AGXT2: variants seen among roughly 807,000 people sequenced by gnomAD.
AGXT2 encodes the protein alanine--glyoxylate aminotransferase 2, mitochondrial.
A neutral mutation model predicts 62.5 loss-of-function variants in AGXT2; 61 were observed. That is an observed-to-expected ratio of 0.98 (90% CI 0.79 to 1.21). The LOEUF (loss-of-function observed/expected upper bound fraction) is 1.21, where lower values mean the gene tolerates loss of function less well. AGXT2 is among the 50% of genes most tolerant of loss of function. The pLI, the probability that AGXT2 is intolerant of heterozygous loss-of-function variation, is 0.00. For synonymous variants in AGXT2, 243 were observed against 218.7 expected (o/e 1.11, Z -0.98); for missense variants, 666 against 641.5 (o/e 1.04, Z -0.41).
At chr5:35,020,977 C>T (rs1174878979) in intron 9 of AGXT2, among the ~76,000 whole-genome samples, 1 of 152,160 alleles carries the variant, frequency 6.6e-6, no homozygotes. Flanking sequence ...TTCACAATTG[C>T]TTCAAAGAGA....
chr5:35,005,429 A>G (rs1487554571), intron 12 of AGXT2, among the ~76,000 whole-genome samples: 1 of 151,954 alleles, frequency 6.6e-6, no homozygotes, highest in African/African-American at 2.4e-5. Context: ...GGGTTTCACT[A>G]TGTTGGCCAG....
At position 35,040,534 on chromosome 5, in the gene AGXT2, G is replaced by A. The variant is rs1579513496; in HGVS notation, c.177+41C>T. On this transcript the variant is annotated intron_variant, in intron 2 of 13. Coordinates refer to ENST00000231420, the MANE Select transcript of AGXT2 (RefSeq NM_031900.4). ...AACAATCATTTGAGACCTCCCCAGAGAAACTACCTCTTTGAGTTTTCTTAA... is the reference window on the plus strand; with the variant it reads ...AACAATCATTTGAGACCTCCCCAGAAAAACTACCTCTTTGAGTTTTCTTAA... 1.9e-6 allele frequency: 3 copies of A among 1,571,174 alleles called. No individual in the cohort carries two copies. The East Asian group carries it at 6.7e-5, about 35-fold the overall frequency.
chr5:35,007,345 C>G (rs1766465229), intron 12 of AGXT2, among the ~76,000 whole-genome samples: 1 of 152,160 alleles, frequency 6.6e-6, no homozygotes, highest in African/African-American at 2.4e-5. Flanking sequence ...CTATAGCAGC[C>G]TGAATGGACT....
chr5:35,034,572 T>A (rs1358058333), intron 5 of AGXT2, among the ~76,000 whole-genome samples: 2 of 152,094 alleles, frequency 1.3e-5, no homozygotes, highest in African/African-American at 4.8e-5. Context: ...TTTACAGGAG[T>A]CTGTTTAAAT....
At chr5:34,999,540 A>G (rs1766151135) in intron 13 of AGXT2, among the ~76,000 whole-genome samples, 1 of 152,164 alleles carries the variant, frequency 6.6e-6, no homozygotes, top group Non-Finnish European at 1.5e-5. Flanking sequence ...GGCTGAGAAG[A>G]GTTAGAGAAA....
Position 35,032,828 on chromosome 5 carries a change from G to A in AGXT2, c.676-3C>T, listed in dbSNP as rs537882106. 1.9e-6 allele frequency: 3 copies of A among 1,598,080 alleles called. No homozygotes were observed. In the South Asian group the frequency reaches 3.4e-5, roughly 18 times the overall value. On this transcript the variant is annotated splice_polypyrimidine_tract_variant and splice_region_variant and intron_variant, in intron 6 of 13. Transcript: ENST00000231420. The stretch of plus-strand genomic sequence containing the variant: ...CGAAAAACATCTGGACACATTGTCT[G>A]CAAATGACAAAAGAAGGAGTGTGGC...
intron 12 of AGXT2, among the ~76,000 whole-genome samples, chr5:35,005,572 C>A (rs1397869463): frequency 6.6e-6 from 1 of 151,768 alleles, no homozygotes; most frequent in Admixed American, 6.6e-5. Flanking sequence ...TTCACCCCGA[C>A]CTTGCTCTGG....
intron 7 of AGXT2, 78 bp from the exon 8 acceptor site, chr5:35,026,588 A>G: frequency 7.8e-7 from 1 of 1,289,032 alleles, no homozygotes; most frequent in African/African-American, 1.5e-5. Flanking sequence ...ACATGGGGAA[A>G]AACAGGAAAA....
rs181704115 is a variant in AGXT2 at position 35,039,657 on chromosome 5, G to A, written c.178-149C>T. The stretch of plus-strand genomic sequence containing the variant: ...GAAGTGCGTGTACTTACCCAATATC[G>A]TCCCTGCAAGAAATTAAAGCCTTTT... On this transcript the variant is annotated intron_variant, in intron 2 of 13. Transcript: ENST00000231420. 250 of 712,506 alleles carry A rather than the reference G, an allele frequency of 3.5e-4. 2 individuals carry two copies. The South Asian group carries it at 4.6e-3, about 13-fold the overall frequency. The allele number at this position is 712,506 out of a possible 1,614,324, so 44.1% of individuals were successfully genotyped here. A position where few individuals can be genotyped will look rare whatever the true frequency, so the allele number is the denominator to read the frequency against.
At chr5:35,025,920 A>T in intron 8 of AGXT2, 65 bp from the exon 9 acceptor site, 2 of 1,392,884 alleles carry the variant, frequency 1.4e-6, no homozygotes, top group Admixed American at 1.7e-5. Flanking sequence ...TATATAAAAA[A>T]GTTAGATCAT....
At chr5:35,004,392 T>C (rs1372920247) in intron 12 of AGXT2, among the ~76,000 whole-genome samples, 1 of 152,104 alleles carries the variant, frequency 6.6e-6, no homozygotes, top group African/African-American at 2.4e-5. Flanking sequence ...ACTTGCTCTT[T>C]CTCCCCCAAG....
At chr5:35,003,326 A>G (rs1766303148) in intron 13 of AGXT2, among the ~76,000 whole-genome samples, 1 of 152,198 alleles carries the variant, frequency 6.6e-6, no homozygotes, top group Admixed American at 6.5e-5. Flanking sequence ...GAGGCCACTA[A>G]GGCTTAGCAG....
rs781277614 is a variant in AGXT2 at position 35,039,281 on chromosome 5, C to T, written c.362+43G>A. 4 of 1,587,460 alleles carry T rather than the reference C, an allele frequency of 2.5e-6. No homozygotes were observed. In the South Asian group the frequency reaches 3.3e-5, roughly 13 times the overall value. Reference sequence around the variant, plus strand: ...GTCACTAACATAATTGTTTTCCATGCATTCTTTTGGAATAAAAATCTCCAG... The same window carrying T: ...GTCACTAACATAATTGTTTTCCATGTATTCTTTTGGAATAAAAATCTCCAG... On this transcript the variant is annotated intron_variant, in intron 3 of 13. Transcript: ENST00000231420.
At chr5:35,016,427 A>T (rs1176075156) in intron 9 of AGXT2, among the ~76,000 whole-genome samples, 1 of 152,194 alleles carries the variant, frequency 6.6e-6, no homozygotes, top group Non-Finnish European at 1.5e-5. Context: ...CCCTGAGGAG[A>T]TAAGAAGGAT....
chr5:35,000,019 G>A (rs567357564), intron 13 of AGXT2, among the ~76,000 whole-genome samples: 5 of 152,212 alleles, frequency 3.3e-5, no homozygotes, highest in Admixed American at 6.5e-5. Context: ...TGGCTACCTC[G>A]CAAATGCTTT....
rs558823288 is a variant in AGXT2 at position 35,005,140 on chromosome 5, G to A, written c.1339-1279C>T. Among the ~76,000 whole-genome samples the A allele has an allele frequency of 2.0e-5, 3 of 152,288 alleles. No individual in the cohort carries two copies. In the South Asian group the frequency reaches 6.2e-4, roughly 32 times the overall value. ...GGGCTAAACTGTGAGAACTAGAAGG[G>A]CATTAAATATGATTTGAGAGGCCAG... On this transcript the variant is annotated intron_variant, in intron 12 of 13. Coordinates refer to ENST00000231420, the MANE Select transcript of AGXT2 (RefSeq NM_031900.4).
chr5:35,041,223 C>CGAAAAAAAAAAAAA lies in AGXT2; in HGVS notation c.89-561_89-560insTTTTTTTTTTTTTC, dbSNP rs70973023. Among the ~76,000 whole-genome samples, 18 of 51,392 alleles carry CGAAAAAAAAAAAAA rather than the reference C, an allele frequency of 3.5e-4. 3 individuals are homozygous for CGAAAAAAAAAAAAA. Among genetic ancestry groups the CGAAAAAAAAAAAAA allele is most frequent in the Non-Finnish European group, 3.7e-4 (11 of 30,134 alleles). 33.7% of individuals were successfully genotyped at this position (51,392 alleles called of 152,430 possible). A position where few individuals can be genotyped will look rare whatever the true frequency, so the allele number is the denominator to read the frequency against. On this transcript the variant is annotated intron_variant, in intron 1 of 13. Transcript: ENST00000231420. ...CCCAGAAGACAAAACCTCCCCCCGC[C>CGAAAAAAAAAAAAA]AAAAAAAAAAAAAAAAAAAGGCTGC...
chr5:35,003,301 T>C (rs1026547346), intron 13 of AGXT2, among the ~76,000 whole-genome samples: 5 of 152,186 alleles, frequency 3.3e-5, no homozygotes, highest in African/African-American at 1.2e-4. Context: ...TGCTGTCGTG[T>C]TGCTCCCAGC....
intron 12 of AGXT2, among the ~76,000 whole-genome samples, chr5:35,007,686 G>T (rs1766481135): frequency 6.6e-6 from 1 of 152,120 alleles, no homozygotes; most frequent in African/African-American, 2.4e-5. Context: ...CTAACAAATG[G>T]TTCAGCGAAG....
Sources: allele counts gnomAD v4.1 joint callset (sites outside exome capture counted in the v4.1 genomes callset), GRCh38; gene constraint gnomAD v4.1.1; transcripts MANE v1.5; gene names NCBI Gene and HGNC (gene_info 2026-07-23, HGNC 2026-07-21).